The following CNTN5 variants were observed in gnomAD, a reference collection of about 807,000 sequenced individuals.
CNTN5 encodes contactin-5.
A neutral mutation model predicts 129.1 loss-of-function variants in CNTN5; 77 were observed. The observed-to-expected ratio is 0.60, with a 90% CI of 0.50 to 0.72. The LOEUF (loss-of-function observed/expected upper bound fraction) is 0.72, where lower values mean the gene tolerates loss of function less well. Among genes scored for constraint, CNTN5 ranks in the 30% least tolerant of loss-of-function variants. The pLI is 0.00. For missense variants in CNTN5, 1,478 were observed against 1,328.8 expected (o/e 1.11, Z -1.75); for synonymous variants, 509 against 465.6 (o/e 1.09, Z -1.20).
intron 13 of CNTN5, among the ~76,000 whole-genome samples, chr11:100,163,352 C>T (rs1009980012): frequency 2.0e-5 from 3 of 151,422 alleles, no homozygotes; most frequent in Non-Finnish European, 4.4e-5. Flanking sequence ...TACATTATGC[C>T]ACTCAGTACA....
intron 2 of CNTN5, among the ~76,000 whole-genome samples, chr11:99,359,375 C>A (rs1261900111): frequency 1.3e-5 from 2 of 151,998 alleles, no homozygotes; most frequent in African/African-American, 2.4e-5. Context: ...ACCGAATCAC[C>A]TCTCAGAGAC....
chr11:99,375,528 G>C (rs1237997673), intron 2 of CNTN5, among the ~76,000 whole-genome samples: 1 of 152,058 alleles, frequency 6.6e-6, no homozygotes, highest in African/African-American at 2.4e-5. Flanking sequence ...AAAGTTCTTG[G>C]ATGATATTTT....
intron 13 of CNTN5, among the ~76,000 whole-genome samples, chr11:100,100,133 TCCAAA>T (rs1565239514): frequency 6.6e-6 from 1 of 152,040 alleles, no homozygotes; most frequent in African/African-American, 2.4e-5. Context: ...GGCTGCAGTT[TCCAAA>T]GCTAAATGAT....
chr11:100,026,365 A>G lies in CNTN5; in HGVS notation c.980+24229A>G, dbSNP rs531060656. Among the ~76,000 whole-genome samples the G allele has an allele frequency of 9.1e-4, 139 of 152,272 alleles. 3 individuals are homozygous for G. In the South Asian group the frequency reaches 0.028, roughly 30 times the overall value. ...TTTCCTTTATAAATTGCCTAGTCTC[A>G]GGAAGTTCTTTATAGCACTGTGAGA... On this transcript the variant is annotated intron_variant, in intron 9 of 24. Transcript: ENST00000524871.
rs186412836 is a variant in CNTN5 at position 99,814,141 on chromosome 11, C to T, written c.56-5403C>T. Among the ~76,000 whole-genome samples the T allele has an allele frequency of 1.3e-3, 203 of 152,184 alleles. 1 individual carries two copies. The highest frequency in any genetic ancestry group is 4.6e-3 in the African/African-American group (192 of 41,526). ...AATCATCTGGAGAGATGTCCTTGAA[C>T]AGTGAAGATGGAATGGAATTCAACA... is the stretch of plus-strand genomic sequence containing the variant. On this transcript the variant is annotated intron_variant, in intron 3 of 24. Coordinates refer to ENST00000524871, the MANE Select transcript of CNTN5 (RefSeq NM_014361.4).
At chr11:100,218,737 G>A (rs1180752142) in intron 15 of CNTN5, among the ~76,000 whole-genome samples, 1 of 152,158 alleles carries the variant, frequency 6.6e-6, no homozygotes, top group Non-Finnish European at 1.5e-5. Context: ...GATTTTGGTG[G>A]ATCACTGGGG....
At chr11:99,888,110 G>A (rs903165473) in intron 6 of CNTN5, among the ~76,000 whole-genome samples, 3 of 152,062 alleles carry the variant, frequency 2.0e-5, no homozygotes, top group Non-Finnish European at 2.9e-5. Context: ...GAGGTAATAC[G>A]TATATAGCAC....
intron 3 of CNTN5, among the ~76,000 whole-genome samples, chr11:99,608,342 A>G (rs1364265693): frequency 6.6e-6 from 1 of 152,156 alleles, no homozygotes; most frequent in African/African-American, 2.4e-5. Flanking sequence ...GATCAGGTCT[A>G]CAAAACAGTA....
At chr11:99,818,835 T>A (rs1292681803) in intron 3 of CNTN5, among the ~76,000 whole-genome samples, 7 of 152,058 alleles carry the variant, frequency 4.6e-5, no homozygotes, top group Non-Finnish European at 7.4e-5. Flanking sequence ...AAAATGAAAA[T>A]TTCATCATTG....
intron 1 of CNTN5, among the ~76,000 whole-genome samples, chr11:99,314,819 T>G (rs544466078): frequency 7.2e-6 from 1 of 138,132 alleles, no homozygotes; most frequent in South Asian, 2.3e-4. Flanking sequence ...TTAAGATGGA[T>G]GCTCTAGTAG....
chr11:99,985,662 G>A (rs745851810), intron 8 of CNTN5, among the ~76,000 whole-genome samples: 1 of 152,118 alleles, frequency 6.6e-6, no homozygotes, highest in Non-Finnish European at 1.5e-5. Flanking sequence ...ATCCCTGTCT[G>A]CCTCCTGCCT....
intron 1 of CNTN5, among the ~76,000 whole-genome samples, chr11:99,021,841 A>G (rs770628292): frequency 6.6e-6 from 1 of 152,204 alleles, no homozygotes; most frequent in African/African-American, 2.4e-5. Context: ...TAGGATTGTG[A>G]TAGATTAAAA....
At chr11:100,073,299 A>G (rs67243160) in intron 12 of CNTN5, among the ~76,000 whole-genome samples, 20,744 of 152,046 alleles carry the variant, frequency 0.14, 1,508 homozygotes, top group Non-Finnish European at 0.15. Context: ...TGCCCACCTC[A>G]GCCTCCCAAA....
intron 1 of CNTN5, among the ~76,000 whole-genome samples, chr11:99,176,800 G>T (rs969942975): frequency 1.3e-5 from 2 of 152,118 alleles, no homozygotes; most frequent in African/African-American, 2.4e-5. Context: ...TGACCTGCCT[G>T]CCACCACTCA....
intron 7 of CNTN5, among the ~76,000 whole-genome samples, chr11:99,950,718 C>A (rs1950654738): frequency 6.6e-6 from 1 of 152,194 alleles, no homozygotes. Flanking sequence ...CCCTATTGAG[C>A]AGTTTCTTCA....
intron 3 of CNTN5, among the ~76,000 whole-genome samples, chr11:99,665,364 G>A (rs1037570898): frequency 6.6e-6 from 1 of 151,704 alleles, no homozygotes; most frequent in Non-Finnish European, 1.5e-5. Context: ...GAGGAGAAAC[G>A]TAACCAGAGA....
chr11:99,240,479 T>C (rs1293057010), intron 1 of CNTN5, among the ~76,000 whole-genome samples: 1 of 152,118 alleles, frequency 6.6e-6, no homozygotes, highest in African/African-American at 2.4e-5. Context: ...CCACAACATA[T>C]GGAAAGCTTT....
chr11:99,439,809 C>A (rs1026892434), intron 2 of CNTN5, among the ~76,000 whole-genome samples: 2 of 151,572 alleles, frequency 1.3e-5, no homozygotes, highest in African/African-American at 4.8e-5. Context: ...ATACATGCAT[C>A]TTGCCGCTGT....
At chr11:99,463,254 C>A (rs941162324) in intron 2 of CNTN5, among the ~76,000 whole-genome samples, 1 of 150,476 alleles carries the variant, frequency 6.6e-6, no homozygotes, top group East Asian at 2.0e-4. Flanking sequence ...CTGGCTAACA[C>A]GGTGAAACCC....
Sources: allele counts gnomAD v4.1 joint callset (sites outside exome capture counted in the v4.1 genomes callset), GRCh38; gene constraint gnomAD v4.1.1; transcripts MANE v1.5; gene names NCBI Gene and HGNC (gene_info 2026-07-23, HGNC 2026-07-21).